Variants in GALNTL6 observed in about 807,000 individuals in gnomAD.
GALNTL6 encodes polypeptide N-acetylgalactosaminyltransferase like 6, also known as polypeptide N-acetylgalactosaminyltransferase-like 6.
In GALNTL6, 46 loss-of-function variants were observed where a neutral mutation model predicts 73.7. The ratio of observed to expected loss-of-function variants is 0.62; its 90% confidence interval spans 0.49 to 0.80. The LOEUF is 0.80. Ranked by LOEUF, GALNTL6 falls within the 30% of genes least tolerant of loss-of-function variation. The probability of loss-of-function intolerance (pLI) is 0.00; values close to 1 mark genes in which losing one functional copy is unlikely to be tolerated. For missense variants in GALNTL6, 604 were observed against 755.0 expected (o/e 0.80, Z 2.34); for synonymous variants, 259 against 263.7 (o/e 0.98, Z 0.17).
chr4:171,877,320 C>G (rs778752723), intron 2 of GALNTL6, among the ~76,000 whole-genome samples: 3 of 152,090 alleles, frequency 2.0e-5, no homozygotes, highest in Non-Finnish European at 4.4e-5. Context: ...AAAGAAGCAG[C>G]CCTATCTTAA....
chr4:172,859,629 GA>G lies in GALNTL6; in HGVS notation c.924-23154del, dbSNP rs533867041. 3.4e-4 allele frequency among the ~76,000 whole-genome samples: 51 copies of G among 152,188 alleles called. 1 individual carries two copies. The South Asian group carries it at 9.6e-3, about 29-fold the overall frequency. On this transcript the variant is annotated intron_variant, in intron 7 of 12. Coordinates refer to ENST00000506823, the MANE Select transcript of GALNTL6 (RefSeq NM_001034845.3). The stretch of plus-strand genomic sequence containing the variant: ...ACAGAGACAGGATAGACAGGTTTGA[GA>G]AAAAAATTAACAGGGGTAGAATAAA...
chr4:172,516,327 C>T (rs538133607), intron 5 of GALNTL6, among the ~76,000 whole-genome samples: 9 of 152,276 alleles, frequency 5.9e-5, no homozygotes, highest in Admixed American at 5.2e-4. Flanking sequence ...ATTTGAGCTA[C>T]AGTGCAGCAT....
intron 8 of GALNTL6, among the ~76,000 whole-genome samples, chr4:172,899,613 T>A (rs1168309383): frequency 6.6e-6 from 1 of 152,094 alleles, no homozygotes; most frequent in East Asian, 1.9e-4. Context: ...GGGGTCCTGA[T>A]CCATACCCCA....
chr4:172,795,125 T>C (rs1015189585), intron 5 of GALNTL6, among the ~76,000 whole-genome samples: 1 of 152,046 alleles, frequency 6.6e-6, no homozygotes, highest in African/African-American at 2.4e-5. Context: ...AAGGCGGAGA[T>C]CAAAGAAGGT....
chr4:172,755,366 T>C (rs945530560), intron 5 of GALNTL6, among the ~76,000 whole-genome samples: 2 of 150,628 alleles, frequency 1.3e-5, no homozygotes, highest in African/African-American at 4.9e-5. Flanking sequence ...TACCACTCAA[T>C]CAAAGTTTTT....
At chr4:172,402,089 G>A (rs992509971) in intron 5 of GALNTL6, among the ~76,000 whole-genome samples, 9 of 151,942 alleles carry the variant, frequency 5.9e-5, no homozygotes, top group Non-Finnish European at 1.3e-4. Context: ...ACTTTCTAAT[G>A]ATACTTCTAC....
intron 5 of GALNTL6, among the ~76,000 whole-genome samples, chr4:172,704,676 A>ATGAAATGTTCT (rs1385243529): frequency 6.6e-6 from 1 of 152,036 alleles, no homozygotes; most frequent in African/African-American, 2.4e-5. Context: ...CAGCAGCTGG[A>ATGAAATGTTCT]TGAAATGTTC....
At chr4:172,592,055 T>G (rs1737658742) in intron 5 of GALNTL6, among the ~76,000 whole-genome samples, 2 of 152,182 alleles carry the variant, frequency 1.3e-5, no homozygotes, top group Non-Finnish European at 2.9e-5. Context: ...CATTTTGTGT[T>G]GCTTTAAAGA....
chr4:172,793,468 C>T (rs138626625), intron 5 of GALNTL6, among the ~76,000 whole-genome samples: 5 of 152,246 alleles, frequency 3.3e-5, no homozygotes, highest in African/African-American at 4.8e-5. Context: ...AATTGCAGCA[C>T]GCCAACTCAC....
intron 2 of GALNTL6, among the ~76,000 whole-genome samples, chr4:172,048,324 C>T (rs1267714815): frequency 6.6e-6 from 1 of 152,080 alleles, no homozygotes; most frequent in Non-Finnish European, 1.5e-5. Flanking sequence ...TTTATAGATA[C>T]AGAATACCCA....
At chr4:172,847,941 T>C (rs1743602661) in intron 7 of GALNTL6, among the ~76,000 whole-genome samples, 3 of 152,204 alleles carry the variant, frequency 2.0e-5, no homozygotes, top group Admixed American at 2.0e-4. Context: ...TAGAGCTCAG[T>C]CTGAGAGACC....
At position 172,671,138 on chromosome 4, in the gene GALNTL6, T is replaced by C. The variant is rs537088911; in HGVS notation, c.554-138223T>C. ...GAATTGCCTTAGCTATTCAGGCTCT[T>C]TTTTGGTTCCATATGAATTTCAAAA... On this transcript the variant is annotated intron_variant, in intron 5 of 12. Transcript: ENST00000506823. Among the ~76,000 whole-genome samples, 55 of 152,330 alleles carry C rather than the reference T, an allele frequency of 3.6e-4. No individual in the cohort carries two copies. The South Asian group carries it at 5.0e-3, about 14-fold the overall frequency.
intron 2 of GALNTL6, among the ~76,000 whole-genome samples, chr4:172,125,449 ATTG>A (rs761175076): frequency 5.9e-5 from 9 of 152,190 alleles, no homozygotes; most frequent in Non-Finnish European, 1.3e-4. Flanking sequence ...AAGAAACCTT[ATTG>A]TTTGAACACA....
intron 7 of GALNTL6, among the ~76,000 whole-genome samples, chr4:172,838,228 G>T (rs1261001884): frequency 6.6e-6 from 1 of 152,232 alleles, no homozygotes; most frequent in Non-Finnish European, 1.5e-5. Context: ...CAGTGATTGT[G>T]AAGGTGATCA....
At chr4:172,501,922 A>T (rs895351182) in intron 5 of GALNTL6, among the ~76,000 whole-genome samples, 1 of 152,176 alleles carries the variant, frequency 6.6e-6, no homozygotes, top group Non-Finnish European at 1.5e-5. Context: ...AAGAATTAGC[A>T]TTTTAATACA....
At chr4:172,869,550 A>T (rs1238617429) in intron 7 of GALNTL6, among the ~76,000 whole-genome samples, 1 of 152,220 alleles carries the variant, frequency 6.6e-6, no homozygotes, top group Non-Finnish European at 1.5e-5. Context: ...CCATCCCCAC[A>T]TCCGTCTGGT....
At chr4:171,910,239 T>A (rs1283332410) in intron 2 of GALNTL6, among the ~76,000 whole-genome samples, 1 of 152,118 alleles carries the variant, frequency 6.6e-6, no homozygotes, top group African/African-American at 2.4e-5. Flanking sequence ...TACCTTCATC[T>A]TTTTAATAAT....
chr4:172,399,280 GT>G (rs1743956939), intron 5 of GALNTL6, among the ~76,000 whole-genome samples: 1 of 151,956 alleles, frequency 6.6e-6, no homozygotes, highest in Non-Finnish European at 1.5e-5. Flanking sequence ...AGTTAACAGT[GT>G]TTAACTCTAG....
At chr4:172,387,347 A>G (rs1743510222) in intron 5 of GALNTL6, among the ~76,000 whole-genome samples, 1 of 152,182 alleles carries the variant, frequency 6.6e-6, no homozygotes, top group Non-Finnish European at 1.5e-5. Context: ...TATGACAGAA[A>G]TGAAATCACT....
Sources: gnomAD v4.1 joint callset for allele counts (sites outside exome capture counted in the v4.1 genomes callset) on GRCh38, gnomAD v4.1.1 for gene constraint, MANE v1.5 for transcripts, NCBI Gene and HGNC (gene_info 2026-07-23, HGNC 2026-07-21) for gene names.